PAPOLA: variants seen among roughly 807,000 people sequenced by gnomAD.
The protein encoded by PAPOLA is polynucleotide adenylyltransferase alpha.
PAPOLA carries 15 observed loss-of-function variants against 100.6 expected under a neutral mutation model. The observed-to-expected ratio is 0.15, with a 90% CI of 0.10 to 0.23. PAPOLA has a LOEUF of 0.23. PAPOLA is among the 10% of genes least tolerant of loss of function. The pLI is 1.00. For missense variants in PAPOLA, 533 were observed against 884.2 expected, an observed-to-expected ratio of 0.60 and a Z score of 5.04; for synonymous variants, 293 against 300.0, an observed-to-expected ratio of 0.98 and a Z score of 0.24.
chr14:96,544,536 C>T (rs1233893416), intron 15 of PAPOLA, among the ~76,000 whole-genome samples: 3 of 152,000 alleles, frequency 2.0e-5, no homozygotes, highest in Admixed American at 1.3e-4. Flanking sequence ...ATTTGAAATA[C>T]TTCAGTGAGC....
At position 96,532,612 on chromosome 14, in the gene PAPOLA, A is replaced by G; in HGVS notation, c.799A>G (p.Thr267Ala). The change falls in exon 9 of 22, where the codon ACT becomes GCT. Residue 267 changes from threonine (T) to alanine (A), a missense_variant. Around this residue, in one of 9 missense-constraint regions of PAPOLA, gnomAD observed 32 missense variants for 95.0 expected, o/e 0.34. Transcript: ENST00000216277. ...CQLYPNAIAS[T>A]LVHKFFLVFS... Reference sequence around the variant, plus strand: ...GCTTTATCCAAATGCAATAGCATCAACTCTTGTACATAAATTTTTCTTGGT... The same window carrying G: ...GCTTTATCCAAATGCAATAGCATCAGCTCTTGTACATAAATTTTTCTTGGT... The G allele has an allele frequency of 6.2e-7, 1 of 1,610,606 alleles. No individual in the cohort carries two copies. The highest frequency in any genetic ancestry group is 8.5e-7 in the Non-Finnish European group (1 of 1,178,676).
intron 15 of PAPOLA, 69 bp from the exon 16 acceptor site, chr14:96,547,728 C>A: frequency 8.2e-7 from 1 of 1,221,422 alleles, no homozygotes; most frequent in South Asian, 1.5e-5. Context: ...AGAATAGTTT[C>A]TCTGGAGTGA....
chr14:96,520,962 A>G, intron 2 of PAPOLA, 44 bp from the exon 3 acceptor site: 1 of 879,728 alleles, frequency 1.1e-6, no homozygotes, highest in Non-Finnish European at 1.9e-6. Flanking sequence ...AAATTTAATC[A>G]GTAATGATCT....
At chr14:96,544,290 C>T in intron 15 of PAPOLA, 32 bp downstream of exon 15, 1 of 987,504 alleles carries the variant, frequency 1.0e-6, no homozygotes, top group Non-Finnish European at 1.6e-6. Flanking sequence ...CAAAACACTT[C>T]AGTTCTTGCA....
intron 6 of PAPOLA, among the ~76,000 whole-genome samples, chr14:96,530,507 C>T (rs113419164): frequency 6.6e-6 from 1 of 151,862 alleles, no homozygotes; most frequent in South Asian, 2.1e-4. Flanking sequence ...CTACCTCAGC[C>T]CCCCCAAGTA....
rs1426338442 is a variant in PAPOLA, at chr14:96,559,596, T to TATATATATATATATATAC, written c.2005-1052_2005-1051insTATATATATATATATACA. ...CTCTCTCTCTCTATATATATATATA[T>TATATATATATATATATAC]ACACACACACATATATATATGTATA... On this transcript the variant is annotated intron_variant, in intron 19 of 21. Coordinates refer to ENST00000216277, the MANE Select transcript of PAPOLA (RefSeq NM_032632.5). 1.4e-5 allele frequency among the ~76,000 whole-genome samples: 2 copies of TATATATATATATATATAC among 145,536 alleles called. 1 individual carries two copies. Among genetic ancestry groups the TATATATATATATATATAC allele is most frequent in the South Asian group, 4.4e-4 (2 of 4,528 alleles).
In PAPOLA at chr14:96,560,697, A is replaced by C. The variant is rs1901769329; in HGVS notation, c.2053A>C (p.Lys685Gln). ...ANCLALSGHD[K>Q]TEAKEQLDTE... ...CTGTCTTGCTTTGAGTGGACATGAT[A>C]AAACAGAAGCAAAGGTATACTAATT... is the stretch of plus-strand genomic sequence containing the variant. Residue 685 changes from lysine (K) to glutamine (Q), a missense_variant, in exon 20 of 22, where the codon AAA becomes CAA. By Grantham distance (53) the Lys-to-Gln change is moderately conservative (BLOSUM62 1). Around this residue, in one of 9 missense-constraint regions of PAPOLA, gnomAD observed 242 missense variants for 281.0 expected, o/e 0.86. Coordinates refer to ENST00000216277, the MANE Select transcript of PAPOLA (RefSeq NM_032632.5). 2.5e-6 allele frequency: 4 copies of C among 1,597,100 alleles called. No homozygotes were observed. Among genetic ancestry groups the C allele is most frequent in the Non-Finnish European group, 2.6e-6 (3 of 1,165,536 alleles).
At chr14:96,562,979 G>C in intron 21 of PAPOLA, 86 bp downstream of exon 21, 1 of 768,034 alleles carries the variant, frequency 1.3e-6, no homozygotes, top group Non-Finnish European at 2.2e-6. Flanking sequence ...GTTCATAGAA[G>C]ACTATTAAAA....
chr14:96,550,186 G>A (rs1355889105), intron 16 of PAPOLA, among the ~76,000 whole-genome samples: 3 of 152,052 alleles, frequency 2.0e-5, no homozygotes, highest in East Asian at 1.9e-4. Context: ...GTATACAAAC[G>A]TTTTATGTTT....
intron 13 of PAPOLA, 133 bp downstream of exon 13, chr14:96,542,429 A>G (rs912113574): frequency 3.0e-5 from 19 of 625,060 alleles, no homozygotes; most frequent in Non-Finnish European, 4.8e-5. Context: ...ATGGAGCTTT[A>G]CTGTGTGTAG....
At chr14:96,554,151 T>C (rs1595554671) in intron 17 of PAPOLA, among the ~76,000 whole-genome samples, 2 of 152,220 alleles carry the variant, frequency 1.3e-5, no homozygotes, top group African/African-American at 4.8e-5. Context: ...TGAAGTTTAG[T>C]TTCTTGAAGT....
intron 1 of PAPOLA, among the ~76,000 whole-genome samples, chr14:96,516,594 C>G (rs552503377): frequency 1.3e-5 from 2 of 152,282 alleles, no homozygotes; most frequent in South Asian, 4.1e-4. Context: ...CCTGCTGTGC[C>G]TCCCTAAGCA....
chr14:96,547,997 G>T, intron 16 of PAPOLA, 79 bp downstream of exon 16: 1 of 1,240,792 alleles, frequency 8.1e-7, no homozygotes, highest in Non-Finnish European at 1.1e-6. Context: ...TCAGAATTTA[G>T]GCTCAGTTAA....
chr14:96,542,126 C>A (rs1037488454), intron 12 of PAPOLA, 117 bp from the exon 13 acceptor site: 1 of 558,574 alleles, frequency 1.8e-6, no homozygotes, highest in Non-Finnish European at 3.2e-6. Flanking sequence ...AGATTGTAGT[C>A]CCCCTTGCTA....
At chr14:96,533,034 T>G in intron 9 of PAPOLA, 1 of 942,550 alleles carries the variant, frequency 1.1e-6, no homozygotes, top group Non-Finnish European at 1.3e-6. Context: ...CTTGTGATTG[T>G]TTTTTTTTTC....
At chr14:96,503,464 C>G (rs958773949) in intron 1 of PAPOLA, among the ~76,000 whole-genome samples, 1 of 151,862 alleles carries the variant, frequency 6.6e-6, no homozygotes, top group Non-Finnish European at 1.5e-5. Context: ...CTCCCCTCCC[C>G]CTTTCTGATA....
At position 96,520,233 on chromosome 14, in the gene PAPOLA, A is replaced by G. The variant is rs565605108; in HGVS notation, c.182+5A>G. The G allele has an allele frequency of 5.7e-6, 9 of 1,591,248 alleles. No individual in the cohort carries two copies. Among genetic ancestry groups the G allele is most frequent in the Middle Eastern group, 1.7e-4 (1 of 5,950 alleles). ...GGAAGAGGAACTGCAGCGCAGGTAA[A>G]TAGATATTCTATATTTTTTTAACTC... On this transcript the variant is annotated splice_donor_5th_base_variant and intron_variant, in intron 2 of 21. Coordinates refer to ENST00000216277, the MANE Select transcript of PAPOLA (RefSeq NM_032632.5).
intron 15 of PAPOLA, among the ~76,000 whole-genome samples, chr14:96,544,733 A>G (rs1328813622): frequency 6.6e-6 from 1 of 152,052 alleles, no homozygotes; most frequent in Non-Finnish European, 1.5e-5. Context: ...ATGGGAAACA[A>G]CTTGAATATA....
rs745973564 is a variant in PAPOLA, at chr14:96,556,372, C to T, written c.1963C>T (p.Pro655Ser). 3 of 1,613,742 alleles carry T rather than the reference C, an allele frequency of 1.9e-6. No homozygotes were observed. The highest frequency in any genetic ancestry group is 2.5e-6 in the Non-Finnish European group (3 of 1,179,694). The change falls in exon 19 of 22, where the codon CCT becomes TCT. Residue 655 changes from proline (P) to serine (S), a missense_variant. Pro to Ser is a moderately conservative substitution (Grantham distance 74). Coordinates refer to ENST00000216277, the MANE Select transcript of PAPOLA (RefSeq NM_032632.5). ...PIVGVKRTSS[P>S]HKEESPKKTK... ...AGTAGGAGTCAAGAGGACATCCTCACCTCATAAAGAAGAGAGTCCCAAGAA... is the reference window on the plus strand; with the variant it reads ...AGTAGGAGTCAAGAGGACATCCTCATCTCATAAAGAAGAGAGTCCCAAGAA...
Sources: gnomAD v4.1 joint callset for allele counts (sites outside exome capture counted in the v4.1 genomes callset) on GRCh38, gnomAD v4.1.1 for gene constraint, gnomAD v4.1.1 regional missense constraint, MANE v1.5 for transcripts, NCBI Gene and HGNC (gene_info 2026-07-23, HGNC 2026-07-21) for gene names.